Variants in KCTD20 observed in about 807,000 individuals in gnomAD.
KCTD20 encodes the protein BTB/POZ domain-containing protein KCTD20.
In KCTD20, 30 loss-of-function variants were observed where a neutral mutation model predicts 39.6. The observed-to-expected ratio is 0.76, with a 90% CI of 0.57 to 1.03. The LOEUF is 1.03. Among genes scored for constraint, KCTD20 ranks in the 50% least tolerant of loss-of-function variants. The pLI is 0.00. For missense variants in KCTD20, 422 were observed against 522.0 expected, an observed-to-expected ratio of 0.81 and a Z score of 1.87; for synonymous variants, 162 against 180.6, an observed-to-expected ratio of 0.90 and a Z score of 0.83.
intron 1 of KCTD20, among the ~76,000 whole-genome samples, chr6:36,468,158 C>G (rs1437509466): frequency 1.3e-5 from 2 of 152,008 alleles, no homozygotes; most frequent in Non-Finnish European, 2.9e-5. Flanking sequence ...ATGCAAATAC[C>G]TGTTAAGTGC....
intron 2 of KCTD20, among the ~76,000 whole-genome samples, chr6:36,474,484 G>A (rs1391818725): frequency 6.6e-6 from 1 of 152,014 alleles, no homozygotes; most frequent in East Asian, 1.9e-4. Flanking sequence ...CTTCTCTACT[G>A]TTTTTCTTAA....
At chr6:36,475,104 A>G in intron 3 of KCTD20, 42 bp downstream of exon 3, 1 of 1,565,880 alleles carries the variant, frequency 6.4e-7, no homozygotes. Context: ...TCTGTTCTCT[A>G]TAAATAAAAA....
At chr6:36,482,894 C>G (rs1776296530) in intron 6 of KCTD20, among the ~76,000 whole-genome samples, 1 of 138,328 alleles carries the variant, frequency 7.2e-6, no homozygotes, top group South Asian at 2.2e-4. Flanking sequence ...TGCAGTGAGA[C>G]AAGATCACAC....
chr6:36,478,928 C>CT (rs1345241912), intron 3 of KCTD20, among the ~76,000 whole-genome samples, 193 bp from the exon 4 acceptor site: 1 of 152,132 alleles, frequency 6.6e-6, no homozygotes, highest in Admixed American at 6.5e-5. Flanking sequence ...AAGCAATTGC[C>CT]TTTTTTTCCT....
chr6:36,458,962 A>G (rs1775521654), intron 1 of KCTD20, among the ~76,000 whole-genome samples: 1 of 151,692 alleles, frequency 6.6e-6, no homozygotes, highest in African/African-American at 2.4e-5. Flanking sequence ...TTTTTTTTAT[A>G]CTGACCACTA....
chr6:36,455,490 G>A (rs1224969533), intron 1 of KCTD20, among the ~76,000 whole-genome samples: 1 of 152,204 alleles, frequency 6.6e-6, no homozygotes, highest in Non-Finnish European at 1.5e-5. Flanking sequence ...TTTGGTAGCT[G>A]CTTCCAAATT....
intron 1 of KCTD20, among the ~76,000 whole-genome samples, chr6:36,444,521 C>T (rs2127422751): frequency 6.6e-6 from 1 of 152,124 alleles, no homozygotes; most frequent in African/African-American, 2.4e-5. Context: ...GCCATTAGGC[C>T]AAATCTCCTC....
chr6:36,454,502 C>T (rs375722512), intron 1 of KCTD20, among the ~76,000 whole-genome samples: 143 of 151,954 alleles, frequency 9.4e-4, no homozygotes, highest in Middle Eastern at 6.8e-3. Context: ...CCACCACACC[C>T]GGCTAATTTT....
At position 36,488,321 on chromosome 6, in the gene KCTD20, G is replaced by T. The variant is rs1776486627; in HGVS notation, c.*1146G>T. On this transcript the variant is annotated 3_prime_UTR_variant, in exon 8 of 8. Transcript: ENST00000373731. Reference sequence around the variant, plus strand: ...CCCCAAAGGAAGGGTGAGCTGAATGGAAATTAAGCCCAGTCATTTTATTTG... The same window carrying T: ...CCCCAAAGGAAGGGTGAGCTGAATGTAAATTAAGCCCAGTCATTTTATTTG... 6.6e-6 allele frequency: 1 copy of T among 152,172 alleles called. No homozygotes were observed. Among genetic ancestry groups the T allele is most frequent in the Non-Finnish European group, 1.5e-5 (1 of 68,032 alleles). The allele number at this position is 152,172 out of a possible 1,614,324, so 9.4% of individuals were successfully genotyped here.
At chr6:36,463,516 G>A (rs1775658912) in intron 1 of KCTD20, among the ~76,000 whole-genome samples, 3 of 152,130 alleles carry the variant, frequency 2.0e-5, no homozygotes, top group Admixed American at 2.0e-4. Flanking sequence ...CAAAACCAAT[G>A]CTATGGTTTG....
At chr6:36,452,605 C>G (rs992810901) in intron 1 of KCTD20, 1 of 147,852 alleles carries the variant, frequency 6.8e-6, no homozygotes, top group African/African-American at 2.5e-5. Context: ...TGCAATGTCG[C>G]TATCTTGGCT....
chr6:36,472,380 G>GA (rs374121240), intron 2 of KCTD20, among the ~76,000 whole-genome samples: 2 of 152,064 alleles, frequency 1.3e-5, no homozygotes, highest in Admixed American at 6.6e-5. Context: ...AAACAAATGG[G>GA]AAAAAAACTA....
intron 2 of KCTD20, among the ~76,000 whole-genome samples, chr6:36,474,485 T>G (rs1308853264): frequency 6.6e-6 from 1 of 152,162 alleles, no homozygotes; most frequent in Non-Finnish European, 1.5e-5. Flanking sequence ...TTCTCTACTG[T>G]TTTTCTTAAC....
chr6:36,465,389 T>G (rs1447902618), intron 1 of KCTD20, among the ~76,000 whole-genome samples: 10 of 146,212 alleles, frequency 6.8e-5, no homozygotes, highest in Admixed American at 3.4e-4. Context: ...TTTTTTTTGT[T>G]TTTTTTTTTT....
At chr6:36,460,470 A>AT (rs1775570194) in intron 1 of KCTD20, among the ~76,000 whole-genome samples, 1 of 151,926 alleles carries the variant, frequency 6.6e-6, no homozygotes, top group African/African-American at 2.4e-5. Flanking sequence ...CACCCAGCTA[A>AT]TTTTTTGTAT....
At chr6:36,448,922 C>T (rs1775142506) in intron 1 of KCTD20, among the ~76,000 whole-genome samples, 1 of 152,054 alleles carries the variant, frequency 6.6e-6, no homozygotes, top group Non-Finnish European at 1.5e-5. Context: ...GTGAGTGTTA[C>T]AGCTCTTAAA....
In KCTD20 at chr6:36,490,824, G is replaced by T. The variant is rs1776565389; in HGVS notation, c.*3649G>T. ...CACTCCAGCCTGGATGACAGGGCAA[G>T]ACCCTGTCTCAATATTTTAAGTCAA... is the stretch of plus-strand genomic sequence containing the variant. On this transcript the variant is annotated 3_prime_UTR_variant, in exon 8 of 8. Coordinates refer to ENST00000373731, the MANE Select transcript of KCTD20 (RefSeq NM_173562.5). 6.6e-6 allele frequency: 1 copy of T among 152,336 alleles called. No individual in the cohort carries two copies. The highest frequency in any genetic ancestry group is 2.4e-5 in the African/African-American group (1 of 41,578). The allele number at this position is 152,336 out of a possible 1,614,324, so 9.4% of individuals were successfully genotyped here.
At chr6:36,479,834 G>C (rs853881) in intron 5 of KCTD20, 123 bp downstream of exon 5, 246,926 of 758,604 alleles carry the variant, frequency 0.33, 48,470 homozygotes, top group African/African-American at 0.63. Flanking sequence ...CTCTGTCGCC[G>C]AGGCTGGAGT....
Position 36,490,502 on chromosome 6 carries a change from A to C in KCTD20, c.*3327A>C, listed in dbSNP as rs988945913. ...CAGTGAGCCACGATCATGCCACTGCACTCCAGCCTGGGCAACAGAGCAAGA... is the reference window on the plus strand; with the variant it reads ...CAGTGAGCCACGATCATGCCACTGCCCTCCAGCCTGGGCAACAGAGCAAGA... On this transcript the variant is annotated 3_prime_UTR_variant, in exon 8 of 8. Coordinates refer to ENST00000373731, the MANE Select transcript of KCTD20 (RefSeq NM_173562.5). The C allele has an allele frequency of 1.2e-4, 18 of 151,684 alleles. No homozygotes were observed. Among genetic ancestry groups the C allele is most frequent in the African/African-American group, 3.9e-4 (16 of 41,130 alleles). 9.4% of individuals were successfully genotyped at this position (151,684 alleles called of 1,614,324 possible).
Sources: gnomAD v4.1 joint callset for allele counts (sites outside exome capture counted in the v4.1 genomes callset) on GRCh38, gnomAD v4.1.1 for gene constraint, MANE v1.5 for transcripts, NCBI Gene and HGNC (gene_info 2026-07-23, HGNC 2026-07-21) for gene names.